VAV3: variants seen among roughly 807,000 people sequenced by gnomAD.
The protein encoded by VAV3 is vav guanine nucleotide exchange factor 3.
In VAV3, 94 loss-of-function variants were observed where a neutral mutation model predicts 131.2. That is an observed-to-expected ratio of 0.72 (90% CI 0.61 to 0.85). The LOEUF (loss-of-function observed/expected upper bound fraction) is 0.85. Ranked by LOEUF, VAV3 falls within the 40% of genes least tolerant of loss-of-function variation. The pLI is 0.00. For synonymous variants in VAV3, 349 were observed against 342.0 expected, an observed-to-expected ratio of 1.02 and a Z score of -0.22; for missense variants, 939 against 1,002.7, an observed-to-expected ratio of 0.94 and a Z score of 0.86.
intron 15 of VAV3, among the ~76,000 whole-genome samples, chr1:107,728,584 C>CATATGT (rs1428666720): frequency 4.8e-5 from 4 of 83,922 alleles, no homozygotes; most frequent in African/African-American, 1.9e-4. Flanking sequence ...TGAGGACAGT[C>CATATGT]ATATGTATAC....
Position 107,906,809 on chromosome 1 carries a change from G to C in VAV3, c.205-31792C>G, listed in dbSNP as rs1255030251. Among the ~76,000 whole-genome samples, 3 of 152,136 alleles carry C rather than the reference G, an allele frequency of 2.0e-5. No individual in the cohort carries two copies. In the East Asian group the frequency reaches 5.8e-4, roughly 29 times the overall value. On this transcript the variant is annotated intron_variant, in intron 1 of 26. Coordinates refer to ENST00000370056, the MANE Select transcript of VAV3 (RefSeq NM_006113.5). The stretch of plus-strand genomic sequence containing the variant: ...AAAAGGGAGAAAAGCAGGGTGAGAA[G>C]GAAGAAGGAAAGAAGGAAGTGTAAA...
At chr1:107,962,481 T>C (rs1482458679) in intron 1 of VAV3, among the ~76,000 whole-genome samples, 2 of 152,238 alleles carry the variant, frequency 1.3e-5, no homozygotes, top group Non-Finnish European at 2.9e-5. Flanking sequence ...ATTAAGTACA[T>C]GTGCTAGGCA....
intron 25 of VAV3, among the ~76,000 whole-genome samples, chr1:107,590,916 G>T (rs916310976): frequency 6.6e-6 from 1 of 152,074 alleles, no homozygotes; most frequent in Non-Finnish European, 1.5e-5. Context: ...CACTCCTCAG[G>T]AACAGTCAGT....
intron 10 of VAV3, among the ~76,000 whole-genome samples, chr1:107,757,694 T>C (rs1234724290): frequency 1.3e-5 from 2 of 152,190 alleles, no homozygotes; most frequent in East Asian, 3.9e-4. Flanking sequence ...CATCCCTCCT[T>C]TCATTTCAGG....
chr1:107,772,973 A>C (rs1665139004), intron 4 of VAV3, 130 bp from the exon 5 acceptor site: 1 of 747,156 alleles, frequency 1.3e-6, no homozygotes, highest in Non-Finnish European at 2.1e-6. Context: ...AGAGTTCAAA[A>C]GGTTTACATT....
At chr1:107,655,640 G>A (rs1348864622) in intron 19 of VAV3, among the ~76,000 whole-genome samples, 1 of 152,022 alleles carries the variant, frequency 6.6e-6, no homozygotes, top group Admixed American at 6.6e-5. Context: ...AAACTAAAAA[G>A]CTTCTGAAGA....
intron 2 of VAV3, among the ~76,000 whole-genome samples, chr1:107,779,695 A>AAGTAATTT (rs1161846857): frequency 2.0e-5 from 3 of 152,114 alleles, no homozygotes; most frequent in African/African-American, 7.2e-5. Flanking sequence ...TAAAGTAATA[A>AAGTAATTT]ATTACTTTAT....
rs558735808 is a variant in VAV3, at chr1:107,736,202, G to T, written c.1502+12766C>A. Among the ~76,000 whole-genome samples, 5 of 152,116 alleles carry T rather than the reference G, an allele frequency of 3.3e-5. No homozygotes were observed. In the East Asian group the frequency reaches 9.6e-4, roughly 29 times the overall value. On this transcript the variant is annotated intron_variant, in intron 15 of 26. Transcript: ENST00000370056. Reference sequence around the variant, plus strand: ...TCAATAAACTAGGTACTGATGGAACGTATCTCAAAATAATAAGAGGTATTT... The same window carrying T: ...TCAATAAACTAGGTACTGATGGAACTTATCTCAAAATAATAAGAGGTATTT...
At chr1:107,764,018 C>A (rs1201879068) in intron 9 of VAV3, among the ~76,000 whole-genome samples, 1 of 148,850 alleles carries the variant, frequency 6.7e-6, no homozygotes, top group African/African-American at 2.5e-5. Flanking sequence ...GTGACTGATA[C>A]AACAAACATT....
At chr1:107,879,424 G>A (rs1282589899) in intron 1 of VAV3, among the ~76,000 whole-genome samples, 1 of 152,124 alleles carries the variant, frequency 6.6e-6, no homozygotes, top group Non-Finnish European at 1.5e-5. Context: ...TTTCTTTGTG[G>A]AGTGCATAAT....
At chr1:107,842,586 T>C (rs1365663327) in intron 2 of VAV3, among the ~76,000 whole-genome samples, 1 of 152,242 alleles carries the variant, frequency 6.6e-6, no homozygotes, top group East Asian at 1.9e-4. Flanking sequence ...AAACTGTTCT[T>C]GTTCACAGCA....
intron 11 of VAV3, among the ~76,000 whole-genome samples, chr1:107,755,844 G>A (rs537138775): frequency 2.0e-5 from 3 of 152,288 alleles, no homozygotes; most frequent in Admixed American, 6.5e-5. Flanking sequence ...TTCCAAGCAC[G>A]TTAATTACTG....
intron 20 of VAV3, among the ~76,000 whole-genome samples, chr1:107,625,142 T>C (rs1185851087): frequency 6.6e-6 from 1 of 152,158 alleles, no homozygotes; most frequent in Non-Finnish European, 1.5e-5. Context: ...TTTGCTTATA[T>C]TATATAAGCA....
In VAV3 at chr1:107,683,489, T is replaced by A; in HGVS notation, c.1776A>T (p.Pro592=). The A allele has an allele frequency of 6.2e-7, 1 of 1,614,034 alleles. No homozygotes were observed. Among genetic ancestry groups the A allele is most frequent in the East Asian group, 2.2e-5 (1 of 44,868 alleles). The change falls in exon 19 of 27, where the codon CCA becomes CCT. Residue 592 remains proline, a splice_region_variant and synonymous_variant. Coordinates refer to ENST00000370056, the MANE Select transcript of VAV3 (RefSeq NM_006113.5). ...TGGAAGGTTTAATCAGAAACACACC[T>A]GGATCCACCTGTTTAGGAGTTCTTC... ...GLRRTPKQVD[P]GLPKMQVIRN...
intron 15 of VAV3, among the ~76,000 whole-genome samples, chr1:107,733,398 T>G (rs576012274): frequency 6.6e-6 from 1 of 152,132 alleles, no homozygotes; most frequent in Non-Finnish European, 1.5e-5. Context: ...CTTTGATGAG[T>G]TGACAGAAGT....
At chr1:107,588,832 T>C (rs978403913) in intron 25 of VAV3, among the ~76,000 whole-genome samples, 2 of 152,218 alleles carry the variant, frequency 1.3e-5, no homozygotes. Context: ...CATCAAATTA[T>C]TGAATTTCAG....
intron 20 of VAV3, among the ~76,000 whole-genome samples, chr1:107,632,654 G>A (rs144513869): frequency 1.3e-5 from 2 of 152,248 alleles, no homozygotes; most frequent in East Asian, 1.9e-4. Context: ...ACTGGCTGCT[G>A]GCAAGCAAAA....
At chr1:107,825,763 A>C (rs1393527761) in intron 2 of VAV3, among the ~76,000 whole-genome samples, 1 of 152,148 alleles carries the variant, frequency 6.6e-6, no homozygotes, top group Non-Finnish European at 1.5e-5. Flanking sequence ...CTTAAAAGTC[A>C]CTTCCTACTT....
intron 25 of VAV3, among the ~76,000 whole-genome samples, chr1:107,592,450 A>T (rs900479603): frequency 6.6e-6 from 1 of 152,162 alleles, no homozygotes; most frequent in Non-Finnish European, 1.5e-5. Flanking sequence ...CTTACAGAAG[A>T]TACTTGGATA....
Sources: gnomAD v4.1 joint callset for allele counts (sites outside exome capture counted in the v4.1 genomes callset) on GRCh38, gnomAD v4.1.1 for gene constraint, MANE v1.5 for transcripts, NCBI Gene and HGNC (gene_info 2026-07-23, HGNC 2026-07-21) for gene names.